SAPCD2: variants seen among roughly 807,000 people sequenced by gnomAD.
SAPCD2 encodes the protein suppressor APC domain containing 2, also known as suppressor APC domain-containing protein 2.
Under a neutral mutation model 37.8 loss-of-function variants are expected in SAPCD2, and 34 were observed. The observed-to-expected ratio is 0.90, with a 90% CI of 0.68 to 1.20. SAPCD2 has a LOEUF of 1.20. SAPCD2 is among the 50% of genes most tolerant of loss of function. The probability of loss-of-function intolerance (pLI) is 0.00; values close to 1 mark genes in which losing one functional copy is unlikely to be tolerated. For missense variants in SAPCD2, 572 were observed against 584.7 expected (o/e 0.98, Z 0.22); for synonymous variants, 275 against 270.3 (o/e 1.02, Z -0.17).
Position 137,064,127 on chromosome 9 carries a change from AC to A in SAPCD2, c.*531del, listed in dbSNP as rs879922185. 6.6e-4 allele frequency: 115 copies of A among 175,276 alleles called. No individual in the cohort carries two copies. The highest frequency in any genetic ancestry group is 2.6e-3 in the African/African-American group (107 of 41,504). The allele number at this position is 175,276 out of a possible 1,614,324, so 10.9% of individuals were successfully genotyped here. On this transcript the variant is annotated 3_prime_UTR_variant, in exon 6 of 6. Coordinates refer to ENST00000409687, the MANE Select transcript of SAPCD2 (RefSeq NM_178448.4). ...CCTGGGGCTCCCCAGCCAGGCAGGC[AC>A]CCCCCGCTTACAGGCCGTCCCCACC...
chr9:137,064,358 T>C lies in SAPCD2; in HGVS notation c.*301A>G, dbSNP rs1175188500. ...CTGGAAACGGGGGGACGCTAACTCA[T>C]GGAGGGGTACCCCACTGTCCACTGA... On this transcript the variant is annotated 3_prime_UTR_variant, in exon 6 of 6. Coordinates refer to ENST00000409687, the MANE Select transcript of SAPCD2 (RefSeq NM_178448.4). 2.1e-6 allele frequency: 1 copy of C among 469,778 alleles called. No individual in the cohort carries two copies. 29.1% of individuals were successfully genotyped at this position (469,778 alleles called of 1,614,324 possible). A position where few individuals can be genotyped will look rare whatever the true frequency, so the allele number is the denominator to read the frequency against.
chr9:137,070,214 T>G lies in SAPCD2; in HGVS notation c.247A>C (p.Thr83Pro). Residue 83 changes from threonine to proline, a missense_variant, in exon 1 of 6, where the codon ACC (threonine) becomes CCC (proline). Coordinates refer to ENST00000409687, the MANE Select transcript of SAPCD2 (RefSeq NM_178448.4). ...AGGCCGGCCACGAAGCGCTCGAAGG[T>G]CAGGTAGCCGCTGGCCGGGGCCACC... is the stretch of plus-strand genomic sequence containing the variant. ...RQVAPASGYL[T>P]FERFVAGLRT... The G allele has an allele frequency of 1.4e-6, 2 of 1,384,994 alleles. No individual in the cohort carries two copies. Among genetic ancestry groups the G allele is most frequent in the Non-Finnish European group, 1.9e-6 (2 of 1,062,792 alleles). The allele number at this position is 1,384,994 out of a possible 1,614,324, so 85.8% of individuals were successfully genotyped here. A position where few individuals can be genotyped will look rare whatever the true frequency, so the allele number is the denominator to read the frequency against.
chr9:137,066,449 C>T, intron 1 of SAPCD2, 75 bp from the exon 2 acceptor site: 4 of 1,123,024 alleles, frequency 3.6e-6, no homozygotes, highest in Non-Finnish European at 5.1e-6. Flanking sequence ...CAGCGGCCTC[C>T]ACATCTCAGC....
rs1167309932 is a variant in SAPCD2 at position 137,064,565 on chromosome 9, G to C, written c.*94C>G. 3 of 1,433,110 alleles carry C rather than the reference G, an allele frequency of 2.1e-6. No homozygotes were observed. In the East Asian group the frequency reaches 7.5e-5, roughly 36 times the overall value. The allele number at this position is 1,433,110 out of a possible 1,614,324, so 88.8% of individuals were successfully genotyped here. On this transcript the variant is annotated 3_prime_UTR_variant, in exon 6 of 6. Coordinates refer to ENST00000409687, the MANE Select transcript of SAPCD2 (RefSeq NM_178448.4). The stretch of plus-strand genomic sequence containing the variant: ...CGGGACTGTGCCTGGGCCTGCCGGG[G>C]GTCTCCAGCCAGAGAGGGTGGGTGC...
intron 3 of SAPCD2, 74 bp downstream of exon 3, chr9:137,065,448 C>G: frequency 1.4e-6 from 2 of 1,481,108 alleles, no homozygotes; most frequent in East Asian, 2.3e-5. Flanking sequence ...GGGGCAGCCA[C>G]AATGCCCAAG....
rs1489368797 is a variant in SAPCD2, at chr9:137,066,257, C to T, written c.684+5G>A. ...GAGCCCCACAGAGCCCCAGTCCCTGCTCACCAGGCCGCAGTCCACGCCGCT... is the reference window on the plus strand; with the variant it reads ...GAGCCCCACAGAGCCCCAGTCCCTGTTCACCAGGCCGCAGTCCACGCCGCT... On this transcript the variant is annotated splice_donor_5th_base_variant and intron_variant, in intron 2 of 5. Coordinates refer to ENST00000409687, the MANE Select transcript of SAPCD2 (RefSeq NM_178448.4). 1 of 1,596,114 alleles carries T rather than the reference C, an allele frequency of 6.3e-7. No homozygotes were observed.
At chr9:137,067,690 C>T (rs1040757992) in intron 1 of SAPCD2, among the ~76,000 whole-genome samples, 7 of 144,254 alleles carry the variant, frequency 4.9e-5, no homozygotes, top group African/African-American at 1.8e-4. Context: ...AGGAGGATCG[C>T]TTGAACCCAG....
At position 137,065,151 on chromosome 9, in the gene SAPCD2, C is replaced by A; in HGVS notation, c.866G>T (p.Gly289Val). Residue 289 changes from glycine to valine, a missense_variant, in exon 4 of 6, where the codon GGG (glycine) becomes GTG (valine). By Grantham distance (109) the Gly-to-Val change is moderately radical. Transcript: ENST00000409687. Reference protein sequence around the residue: ...FGAAGSPRPLGRLLPKVQEVA... With the variant: ...FGAAGSPRPLVRLLPKVQEVA... ...CTCTTGTACCTTGGGCAGTAGCCGC[C>A]CCAGTGGGCGGGGGCTCCCTGCAGC... is the stretch of plus-strand genomic sequence containing the variant. 1 of 1,513,322 alleles carries A rather than the reference C, an allele frequency of 6.6e-7. No homozygotes were observed. The highest frequency in any genetic ancestry group is 8.8e-7 in the Non-Finnish European group (1 of 1,131,486). 93.7% of individuals were successfully genotyped at this position (1,513,322 alleles called of 1,614,324 possible). A position where few individuals can be genotyped will look rare whatever the true frequency, so the allele number is the denominator to read the frequency against.
rs1195997251 is a variant in SAPCD2, at chr9:137,069,953, A to G, written c.508T>C (p.Cys170Arg). The change falls in exon 1 of 6, where the codon TGC becomes CGC. Residue 170 changes from cysteine (C) to arginine (R), a missense_variant. Physicochemically the swap from Cys to Arg is radical, Grantham distance 180. Transcript: ENST00000409687. Reference protein sequence around the residue: ...QLCAPAEAAPCPAEPERSQSA... With the variant: ...QLCAPAEAAPRPAEPERSQSA... ...TGGGACCGCTCGGGCTCCGCGGGGC[A>G]GGGCGCCGCCTCAGCCGGGGCGCAC... The G allele has an allele frequency of 4.8e-6, 6 of 1,258,518 alleles. No individual in the cohort carries two copies. Among genetic ancestry groups the G allele is most frequent in the Non-Finnish European group, 6.0e-6 (6 of 1,002,986 alleles). The allele number at this position is 1,258,518 out of a possible 1,614,324, so 78.0% of individuals were successfully genotyped here. A position where few individuals can be genotyped will look rare whatever the true frequency, so the allele number is the denominator to read the frequency against.
At chr9:137,065,985 T>C (rs946500727) in intron 2 of SAPCD2, among the ~76,000 whole-genome samples, 3 of 152,106 alleles carry the variant, frequency 2.0e-5, no homozygotes, top group Non-Finnish European at 4.4e-5. Flanking sequence ...CTGCCTGTGG[T>C]GAGCACACAG....
Position 137,064,628 on chromosome 9 carries a change from T to A in SAPCD2, c.*31A>T. ...ACCCTCGAAGGGCTGAGTGCCAGGC[T>A]GGCCCTGGGGGCCCACGCGGCCCAC... On this transcript the variant is annotated 3_prime_UTR_variant, in exon 6 of 6. Coordinates refer to ENST00000409687, the MANE Select transcript of SAPCD2 (RefSeq NM_178448.4). 1 of 1,580,466 alleles carries A rather than the reference T, an allele frequency of 6.3e-7. No individual in the cohort carries two copies.
At chr9:137,067,688 C>T (rs180938309) in intron 1 of SAPCD2, among the ~76,000 whole-genome samples, 11 of 139,078 alleles carry the variant, frequency 7.9e-5, no homozygotes, top group African/African-American at 1.1e-4. Context: ...GCAGGAGGAT[C>T]GCTTGAACCC....
At chr9:137,066,917 G>A (rs900789321) in intron 1 of SAPCD2, among the ~76,000 whole-genome samples, 15 of 152,126 alleles carry the variant, frequency 9.9e-5, no homozygotes, top group Middle Eastern at 3.2e-3. Flanking sequence ...AGCACTTTTG[G>A]GGACCAAGGC....
In SAPCD2 at chr9:137,064,324, G is replaced by T; in HGVS notation, c.*335C>A. 2.6e-6 allele frequency: 1 copy of T among 388,962 alleles called. No individual in the cohort carries two copies. The highest frequency in any genetic ancestry group is 2.4e-5 in the South Asian group (1 of 41,708). 24.1% of individuals were successfully genotyped at this position (388,962 alleles called of 1,614,324 possible). On this transcript the variant is annotated 3_prime_UTR_variant, in exon 6 of 6. Coordinates refer to ENST00000409687, the MANE Select transcript of SAPCD2 (RefSeq NM_178448.4). Reference sequence around the variant, plus strand: ...CCTTTCCCTGAAGATGGGACCCAGGGCGGCACCGCTGGAAACGGGGGGACG... The same window carrying T: ...CCTTTCCCTGAAGATGGGACCCAGGTCGGCACCGCTGGAAACGGGGGGACG...
At position 137,066,317 on chromosome 9, in the gene SAPCD2, C is replaced by T. The variant is rs139505436; in HGVS notation, c.629G>A (p.Arg210His). Residue 210 changes from arginine to histidine, a missense_variant, in exon 2 of 6, where the codon CGT becomes CAT. Physicochemically the swap from Arg to His is conservative, Grantham distance 29. Transcript: ENST00000409687. ...ADSGDARRAP[R>H]ARGERRRHTI... The stretch of plus-strand genomic sequence containing the variant: ...GTGCCTCCGACGTTCCCCTCGGGCA[C>T]GGGGAGCCCGCCGGGCATCCCCTGA... The T allele has an allele frequency of 1.0e-4, 169 of 1,609,902 alleles. No homozygotes were observed. The African/African-American group carries it at 1.7e-3, about 16-fold the overall frequency.
chr9:137,064,796 G>A lies in SAPCD2; in HGVS notation c.1057-9C>T, dbSNP rs1405209027. 1.1e-5 allele frequency: 18 copies of A among 1,592,426 alleles called. No individual in the cohort carries two copies. The highest frequency in any genetic ancestry group is 5.2e-5 in the Admixed American group (3 of 57,712). On this transcript the variant is annotated splice_polypyrimidine_tract_variant and intron_variant, in intron 5 of 5. Coordinates refer to ENST00000409687, the MANE Select transcript of SAPCD2 (RefSeq NM_178448.4). ...CTCTTCTCGGTCACCTCCTGGGCAG[G>A]TGCACAGTTGGTCAAGGCCTGCGGG...
At position 137,066,353 on chromosome 9, in the gene SAPCD2, AG is replaced by A. The variant is rs1013426134; in HGVS notation, c.592del (p.Leu198TrpfsTer32). On this transcript the variant is annotated frameshift_variant, in exon 2 of 6. Coordinates refer to ENST00000409687, the MANE Select transcript of SAPCD2 (RefSeq NM_178448.4). LOFTEE classifies it high-confidence loss of function. The part of the protein sequence containing the change: ...ADAGAVACRA[L>X]EADSGDARRA... ...CCGGGCATCCCCTGAGTCCGCCTCC[AG>A]GGCCCTGCACGCCACTGCACCTGTT... is the stretch of plus-strand genomic sequence containing the variant. The A allele has an allele frequency of 6.2e-7, 1 of 1,607,430 alleles. No individual in the cohort carries two copies. The highest frequency in any genetic ancestry group is 1.7e-5 in the Admixed American group (1 of 59,524).
In SAPCD2 at chr9:137,070,252, TC is replaced by T; in HGVS notation, c.208del (p.Glu70ArgfsTer13). The T allele has an allele frequency of 6.9e-7, 1 of 1,441,144 alleles. No individual in the cohort carries two copies. The highest frequency in any genetic ancestry group is 9.1e-7 in the Non-Finnish European group (1 of 1,096,866). The allele number at this position is 1,441,144 out of a possible 1,614,324, so 89.3% of individuals were successfully genotyped here. ...DARELPRGVLEGLRQVAPASG... is the reference protein window; with the variant it reads ...DARELPRGVLXGLRQVAPASG... ...GGCCGGGGCCACCTGGCGCAAGCCC[TC>T]CAGCACCCCGCGGGGCAGCTCCCGC... On this transcript the variant is annotated frameshift_variant, in exon 1 of 6. Transcript: ENST00000409687. LOFTEE classifies it high-confidence loss of function.
chr9:137,070,493 C>T lies in SAPCD2; in HGVS notation c.-33G>A. 2 of 1,194,704 alleles carry T rather than the reference C, an allele frequency of 1.7e-6. No homozygotes were observed. The highest frequency in any genetic ancestry group is 2.1e-6 in the Non-Finnish European group (2 of 960,818). The allele number at this position is 1,194,704 out of a possible 1,614,324, so 74.0% of individuals were successfully genotyped here. On this transcript the variant is annotated 5_prime_UTR_variant, in exon 1 of 6. Transcript: ENST00000409687. ...CGGGATCGGTCCCCTCGTCCACCCG[C>T]GTGCGTCCCAGCGCGGCCCCACGGA...
Sources: allele counts gnomAD v4.1 joint callset (sites outside exome capture counted in the v4.1 genomes callset), GRCh38; gene constraint gnomAD v4.1.1; transcripts MANE v1.5; gene names NCBI Gene and HGNC (gene_info 2026-07-23, HGNC 2026-07-21).